Variants in WDR82 observed in about 807,000 individuals in gnomAD.
WDR82 encodes the protein WD repeat domain 82.
WDR82 carries 8 observed loss-of-function variants against 36.1 expected under a neutral mutation model. That is an observed-to-expected ratio of 0.22 (90% confidence interval 0.13 to 0.40). The LOEUF (loss-of-function observed/expected upper bound fraction) is 0.40. WDR82 is among the 10% of genes least tolerant of loss of function. The pLI is 1.00. For synonymous variants in WDR82, 129 were observed against 137.8 expected (o/e 0.94, Z 0.45); for missense variants, 185 against 400.5 (o/e 0.46, Z 4.59).
chr3:52,273,152 C>A (rs1280017653), intron 1 of WDR82, among the ~76,000 whole-genome samples: 2 of 152,144 alleles, frequency 1.3e-5, no homozygotes, highest in South Asian at 2.1e-4. Flanking sequence ...AGAAACTGGC[C>A]GGGCGCAGTG....
intron 1 of WDR82, among the ~76,000 whole-genome samples, chr3:52,276,809 C>A (rs1297173908): frequency 6.6e-6 from 1 of 152,166 alleles, no homozygotes; most frequent in Non-Finnish European, 1.5e-5. Context: ...ACAATTCCCT[C>A]TTCCTTAAGA....
chr3:52,260,197 C>T (rs1440714401), intron 5 of WDR82, among the ~76,000 whole-genome samples, 188 bp downstream of exon 5: 3 of 152,170 alleles, frequency 2.0e-5, no homozygotes, highest in Non-Finnish European at 2.9e-5. Flanking sequence ...GGCGTGGTGG[C>T]GGACACGTGT....
At chr3:52,272,543 C>CAAAAAA (rs538212712) in intron 1 of WDR82, among the ~76,000 whole-genome samples, 10 of 100,276 alleles carry the variant, frequency 1.0e-4, no homozygotes, top group African/African-American at 3.2e-4. Context: ...GACTCCATCT[C>CAAAAAA]AAAAAAAAAA....
chr3:52,271,585 CTG>C (rs1276358338), intron 1 of WDR82, among the ~76,000 whole-genome samples: 1 of 142,846 alleles, frequency 7.0e-6, no homozygotes, highest in Non-Finnish European at 1.5e-5. Flanking sequence ...GAAAGAAGCT[CTG>C]TGTTTTTTTT....
At chr3:52,271,091 T>C (rs548406534) in intron 1 of WDR82, among the ~76,000 whole-genome samples, 21 of 129,374 alleles carry the variant, frequency 1.6e-4, no homozygotes, top group Admixed American at 4.2e-4. Flanking sequence ...TTCAAAAGCT[T>C]TGAGAAAAAA....
chr3:52,261,661 T>TA (rs956336737), intron 3 of WDR82, among the ~76,000 whole-genome samples, 182 bp from the exon 4 acceptor site: 57 of 146,910 alleles, frequency 3.9e-4, no homozygotes, highest in South Asian at 1.1e-3. Context: ...GCAACTAGTA[T>TA]AAAAAAAAAA....
At position 52,258,556 on chromosome 3, in the gene WDR82, C is replaced by T. The variant is rs1700032001; in HGVS notation, c.892G>A (p.Ala298Thr). 6.2e-7 allele frequency: 1 copy of T among 1,613,782 alleles called. No individual in the cohort carries two copies. The highest frequency in any genetic ancestry group is 1.7e-5 in the Admixed American group (1 of 59,988). ...LQFNPKFMTF[A>T]SACSNMAFWL... ...CATACCATGTTGGAACACGCACTGG[C>T]AAAAGTCATGAACTTGGGGTTGAAT... The change falls in exon 8 of 9, where the codon GCC becomes ACC. Residue 298 changes from alanine to threonine, a missense_variant. Ala to Thr is a moderately conservative substitution (Grantham distance 58). Around this residue, in one of 3 missense-constraint regions of WDR82, gnomAD observed 110 missense variants for 212.6 expected, o/e 0.52. Coordinates refer to ENST00000296490, the MANE Select transcript of WDR82 (RefSeq NM_025222.4).
Position 52,278,122 on chromosome 3 carries a change from G to A in WDR82, c.161+79C>T, listed in dbSNP as rs566219856. ...TAGGCTGGGGGCTGAAGTCGGGACG[G>A]AGGGCAGGCCGAGGGACCTGTGCTG... On this transcript the variant is annotated intron_variant, in intron 1 of 8. Coordinates refer to ENST00000296490, the MANE Select transcript of WDR82 (RefSeq NM_025222.4). The A allele has an allele frequency of 1.8e-3, 2,450 of 1,378,970 alleles. 5 individuals carry two copies. Among genetic ancestry groups the A allele is most frequent in the Middle Eastern group, 3.7e-3 (19 of 5,162 alleles). 85.4% of individuals were successfully genotyped at this position (1,378,970 alleles called of 1,614,324 possible). A position where few individuals can be genotyped will look rare whatever the true frequency, so the allele number is the denominator to read the frequency against.
rs1700229901 is a variant in WDR82 at position 52,278,600 on chromosome 3, G to C, written c.-239C>G. The C allele has an allele frequency of 2.5e-6, 1 of 403,326 alleles. No homozygotes were observed. Among genetic ancestry groups the C allele is most frequent in the Non-Finnish European group, 4.3e-6 (1 of 230,702 alleles). 25.0% of individuals were successfully genotyped at this position (403,326 alleles called of 1,614,324 possible). A position where few individuals can be genotyped will look rare whatever the true frequency, so the allele number is the denominator to read the frequency against. ...CAGCCACCTCACGGACAACCGGCGC[G>C]TCGCCGGCTCATTGTGTCCGCCATT... On this transcript the variant is annotated 5_prime_UTR_variant, in exon 1 of 9. Transcript: ENST00000296490.
Position 52,273,366 on chromosome 3 carries a change from G to A in WDR82, c.162-2557C>T, listed in dbSNP as rs1376539472. On this transcript the variant is annotated intron_variant, in intron 1 of 8. Transcript: ENST00000296490. ...GAATCACTGGAACCCGGGACATGGA[G>A]GTTGCATTGAGCCAAGATCGCGCCA... Among the ~76,000 whole-genome samples the A allele has an allele frequency of 2.0e-5, 3 of 149,776 alleles. No individual in the cohort carries two copies. The East Asian group carries it at 5.8e-4, about 29-fold the overall frequency.
intron 3 of WDR82, among the ~76,000 whole-genome samples, chr3:52,265,668 C>T (rs954000140): frequency 8.0e-5 from 12 of 150,722 alleles, no homozygotes; most frequent in African/African-American, 2.7e-4. Context: ...CTCTGTCTCG[C>T]GGGTTCAAGC....
In WDR82 at chr3:52,273,105, A is replaced by G. The variant is rs922412806; in HGVS notation, c.162-2296T>C. ...ACTCTGCTACCAGTGGAAGAAGTTT[A>G]TATCAGTTATTTCATCCCATCTACA... On this transcript the variant is annotated intron_variant, in intron 1 of 8. Transcript: ENST00000296490. 5.3e-5 allele frequency among the ~76,000 whole-genome samples: 8 copies of G among 152,316 alleles called. No individual in the cohort carries two copies. The East Asian group carries it at 7.7e-4, about 15-fold the overall frequency.
chr3:52,259,014 G>T lies in WDR82; in HGVS notation c.769+183C>A, dbSNP rs113772533. ...CATTACTAATAAGGTAGTGCTTGTGGAGTTTAACTCAAATTTTGGTCCAGT... is the reference window on the plus strand; with the variant it reads ...CATTACTAATAAGGTAGTGCTTGTGTAGTTTAACTCAAATTTTGGTCCAGT... On this transcript the variant is annotated intron_variant, in intron 7 of 8. Coordinates refer to ENST00000296490, the MANE Select transcript of WDR82 (RefSeq NM_025222.4). Among the ~76,000 whole-genome samples, 517 of 152,322 alleles carry T rather than the reference G, an allele frequency of 3.4e-3. 1 individual carries two copies. The highest frequency in any genetic ancestry group is 0.012 in the African/African-American group (498 of 41,570).
intron 1 of WDR82, among the ~76,000 whole-genome samples, chr3:52,275,324 C>A (rs1700193487): frequency 1.3e-5 from 2 of 150,738 alleles, no homozygotes; most frequent in African/African-American, 4.8e-5. Context: ...AATTTTTCAT[C>A]ATATTATTGC....
At chr3:52,261,548 C>A in intron 3 of WDR82, 69 bp from the exon 4 acceptor site, 2 of 1,388,236 alleles carry the variant, frequency 1.4e-6, no homozygotes, top group East Asian at 4.8e-5. Context: ...AATTCTAAAC[C>A]ACTCTGCCTA....
chr3:52,258,724 C>T (rs1700033455), intron 7 of WDR82, 46 bp from the exon 8 acceptor site: 2 of 1,611,258 alleles, frequency 1.2e-6, no homozygotes, highest in Middle Eastern at 1.6e-4. Flanking sequence ...AGGCGCAATA[C>T]AAAGACAACT....
intron 3 of WDR82, among the ~76,000 whole-genome samples, chr3:52,265,053 C>T (rs1179072306): frequency 2.6e-5 from 4 of 152,008 alleles, no homozygotes; most frequent in African/African-American, 7.2e-5. Flanking sequence ...CGGTGGCTCA[C>T]GTCTGTAATC....
intron 2 of WDR82, chr3:52,267,738 T>C (rs1700118661): frequency 6.6e-6 from 1 of 152,498 alleles, no homozygotes; most frequent in African/African-American, 2.4e-5. Context: ...TAAGACACTC[T>C]TAACCAAATG....
At chr3:52,260,614 A>G in intron 4 of WDR82, 113 bp from the exon 5 acceptor site, 1 of 580,110 alleles carries the variant, frequency 1.7e-6, no homozygotes, top group Non-Finnish European at 2.8e-6. Flanking sequence ...GGACCTTACC[A>G]CTATATAATT....
Sources: gnomAD v4.1 joint callset for allele counts (sites outside exome capture counted in the v4.1 genomes callset) on GRCh38, gnomAD v4.1.1 for gene constraint, gnomAD v4.1.1 regional missense constraint, MANE v1.5 for transcripts, NCBI Gene and HGNC (gene_info 2026-07-23, HGNC 2026-07-21) for gene names.